Variants in VPS72 observed in about 807,000 individuals in gnomAD.
VPS72 encodes vacuolar protein sorting 72 homolog, also known as vacuolar protein sorting-associated protein 72 homolog.
VPS72 carries 27 observed loss-of-function variants against 38.9 expected under a neutral mutation model. That is an observed-to-expected ratio of 0.69 (90% CI 0.51 to 0.96). VPS72 has a LOEUF of 0.96. Ranked by LOEUF, VPS72 falls within the 40% of genes least tolerant of loss-of-function variation. VPS72 has a pLI of 0.00. For synonymous variants in VPS72, 173 were observed against 186.3 expected, an observed-to-expected ratio of 0.93 and a Z score of 0.58; for missense variants, 360 against 479.5, an observed-to-expected ratio of 0.75 and a Z score of 2.33.
chr1:151,189,602 T>C (rs980929590), intron 1 of VPS72, among the ~76,000 whole-genome samples: 3 of 152,158 alleles, frequency 2.0e-5, no homozygotes, highest in Admixed American at 6.5e-5. Context: ...AGCGGTTCCT[T>C]TCCATGTCTC....
At chr1:151,183,441 A>G (rs1475222482) in intron 4 of VPS72, among the ~76,000 whole-genome samples, 4 of 150,164 alleles carry the variant, frequency 2.7e-5, no homozygotes, top group South Asian at 2.1e-4. Context: ...AAAAAAAAAA[A>G]AAAGAAAGGA....
chr1:151,180,211 C>T (rs1291707077), intron 4 of VPS72, among the ~76,000 whole-genome samples: 2 of 149,280 alleles, frequency 1.3e-5, no homozygotes, highest in South Asian at 2.1e-4. Context: ...CTCAGCTACT[C>T]GGGAGGCTGA....
At chr1:151,178,231 T>G in intron 4 of VPS72, 86 bp from the exon 5 acceptor site, 1 of 1,464,270 alleles carries the variant, frequency 6.8e-7, no homozygotes, top group Non-Finnish European at 9.1e-7. Flanking sequence ...CTCTCAATTA[T>G]CTTCCTGGCT....
In VPS72 at chr1:151,190,020, A is replaced by G. The variant is rs766038319; in HGVS notation, c.102T>C (p.Tyr34=). 1 of 1,613,830 alleles carries G rather than the reference A, an allele frequency of 6.2e-7. No individual in the cohort carries two copies. Among genetic ancestry groups the G allele is most frequent in the Non-Finnish European group, 8.5e-7 (1 of 1,179,952 alleles). ...EEEDEFYQTT[Y]GGFTEESGDD... ...CGGATCTTGCCTCTGTGAAACCCCCATAAGTCGTCTGGTAGAACTCATCTT... is the reference window on the plus strand; with the variant it reads ...CGGATCTTGCCTCTGTGAAACCCCCGTAAGTCGTCTGGTAGAACTCATCTT... The change falls in exon 1 of 6, where the codon TAT becomes TAC. Residue 34 remains tyrosine (Y), a synonymous_variant. Coordinates refer to ENST00000368892, the MANE Select transcript of VPS72 (RefSeq NM_005997.3).
intron 1 of VPS72, 123 bp from the exon 2 acceptor site, chr1:151,186,073 C>A: frequency 7.8e-7 from 1 of 1,282,098 alleles, no homozygotes; most frequent in Admixed American, 2.5e-5. Context: ...TCCAGCCCTT[C>A]ATTTTCCTCA....
rs1355189756 is a variant in VPS72 at position 151,184,490 on chromosome 1, C to T, written c.389G>A (p.Arg130Gln). The T allele has an allele frequency of 1.9e-6, 3 of 1,609,066 alleles. No homozygotes were observed. Among genetic ancestry groups the T allele is most frequent in the Non-Finnish European group, 1.7e-6 (2 of 1,177,020 alleles). The change falls in exon 4 of 6, where the codon CGG (arginine) becomes CAG (glutamine). Residue 130 changes from arginine to glutamine, a missense_variant. Around this residue, in one of 2 missense-constraint regions of VPS72, gnomAD observed 294 missense variants for 356.3 expected, o/e 0.83. Transcript: ENST00000368892. Reference sequence around the variant, plus strand: ...AGCTGTAGACTGACGCATAGACTTCCGACCTGGAAGAGAGTGAGATAAGAA... The same window carrying T: ...AGCTGTAGACTGACGCATAGACTTCTGACCTGGAAGAGAGTGAGATAAGAA... ...LELQDDGSDS[R>Q]KSMRQSTAEH...
chr1:151,184,385 C>T lies in VPS72; in HGVS notation c.494G>A (p.Arg165Gln), dbSNP rs768296715. The T allele has an allele frequency of 1.7e-5, 27 of 1,613,948 alleles. No homozygotes were observed. Among genetic ancestry groups the T allele is most frequent in the South Asian group, 7.7e-5 (7 of 91,088 alleles). The stretch of plus-strand genomic sequence containing the variant: ...GAGCAGTTCCTCCTGGGTTAGTGGC[C>T]GCTCACAGTGGGGCCCCTTTCGCCG... ...SRRRKGPHCE[R>Q]PLTQEELLRE... Residue 165 changes from arginine (R) to glutamine (Q), a missense_variant, in exon 4 of 6, where the codon CGG becomes CAG. This residue lies in a region of VPS72 where 294 missense variants were observed against 356.3 expected (regional missense o/e 0.83). Transcript: ENST00000368892.
chr1:151,184,457 G>C lies in VPS72; in HGVS notation c.422C>G (p.Thr141Arg), dbSNP rs1240954568. ...KSMRQSTAEHTRQTFLRVQER... is the reference protein window; with the variant it reads ...KSMRQSTAEHRRQTFLRVQER... ...CTGTACCCGAAGGAACGTTTGTCGTGTATGCTCAGCTGTAGACTGACGCAT... is the reference window on the plus strand; with the variant it reads ...CTGTACCCGAAGGAACGTTTGTCGTCTATGCTCAGCTGTAGACTGACGCAT... Residue 141 changes from threonine to arginine, a missense_variant, in exon 4 of 6, where the codon ACA (threonine) becomes AGA (arginine). Coordinates refer to ENST00000368892, the MANE Select transcript of VPS72 (RefSeq NM_005997.3). The C allele has an allele frequency of 1.9e-6, 3 of 1,613,810 alleles. No individual in the cohort carries two copies.
Position 151,190,016 on chromosome 1 carries a change from C to T in VPS72, c.106G>A (p.Gly36Ser). 1 of 1,614,116 alleles carries T rather than the reference C, an allele frequency of 6.2e-7. No homozygotes were observed. The highest frequency in any genetic ancestry group is 8.5e-7 in the Non-Finnish European group (1 of 1,180,000). Residue 36 changes from glycine to serine, a missense_variant, in exon 1 of 6, where the codon GGT becomes AGT. Physicochemically the swap from Gly to Ser is moderately conservative, Grantham distance 56. Around this residue, in one of 2 missense-constraint regions of VPS72, gnomAD observed 66 missense variants for 123.1 expected, o/e 0.54. Transcript: ENST00000368892. ...GGCCCGGATCTTGCCTCTGTGAAAC[C>T]CCCATAAGTCGTCTGGTAGAACTCA... ...EDEFYQTTYG[G>S]FTEESGDDEY... is the part of the protein sequence containing the mutation.
At chr1:151,177,361 G>A (rs1432837134) in intron 5 of VPS72, among the ~76,000 whole-genome samples, 3 of 150,134 alleles carry the variant, frequency 2.0e-5, no homozygotes, top group African/African-American at 7.4e-5. Context: ...CTCCAGCCTG[G>A]GTGACAGAGC....
Position 151,176,889 on chromosome 1 carries a change from G to A in VPS72, c.850C>T (p.Pro284Ser), listed in dbSNP as rs1025663921. 11 of 1,614,152 alleles carry A rather than the reference G, an allele frequency of 6.8e-6. No individual in the cohort carries two copies. Among genetic ancestry groups the A allele is most frequent in the Non-Finnish European group, 8.5e-6 (10 of 1,180,026 alleles). Reference sequence around the variant, plus strand: ...CAGACCTCACGAACAGGGACTTTTGGGGGCCGCCCTTGGGGGAACCATTCC... The same window carrying A: ...CAGACCTCACGAACAGGGACTTTTGAGGGCCGCCCTTGGGGGAACCATTCC... ...FEEWFPQGRP[P>S]KVPVREVCPV... The change falls in exon 6 of 6, where the codon CCA (proline) becomes TCA (serine). Residue 284 changes from proline to serine, a missense_variant. Pro to Ser is a moderately conservative substitution (Grantham distance 74, BLOSUM62 -1). This residue lies in a region of VPS72 where 294 missense variants were observed against 356.3 expected (regional missense o/e 0.83). Coordinates refer to ENST00000368892, the MANE Select transcript of VPS72 (RefSeq NM_005997.3).
At chr1:151,185,676 A>G in intron 2 of VPS72, 56 bp from the exon 3 acceptor site, 1 of 1,609,466 alleles carries the variant, frequency 6.2e-7, no homozygotes, top group Non-Finnish European at 8.5e-7. Context: ...GAGAAATATG[A>G]GGATCTCAAT....
At chr1:151,184,077 C>T (rs971316394) in intron 4 of VPS72, among the ~76,000 whole-genome samples, 5 of 152,078 alleles carry the variant, frequency 3.3e-5, no homozygotes, top group African/African-American at 9.7e-5. Flanking sequence ...AATAGCAGAA[C>T]GAGGATTTGA....
At chr1:151,185,416 G>T in intron 3 of VPS72, 90 bp downstream of exon 3, 1 of 1,314,868 alleles carries the variant, frequency 7.6e-7, no homozygotes, top group Non-Finnish European at 1.1e-6. Context: ...GTGAGCCACC[G>T]CACCCAGCAA....
In VPS72 at chr1:151,178,152, G is replaced by A. The variant is rs1684160349; in HGVS notation, c.563-7C>T. 2 of 1,612,700 alleles carry A rather than the reference G, an allele frequency of 1.2e-6. No homozygotes were observed. The highest frequency in any genetic ancestry group is 1.7e-4 in the Middle Eastern group (1 of 5,924). ...TCGAGCCGCTCATATGTCTCTTTAG[G>A]GTCAAAGGAAGAAATGAGGGGATGA... On this transcript the variant is annotated splice_region_variant and splice_polypyrimidine_tract_variant and intron_variant, in intron 4 of 5. Coordinates refer to ENST00000368892, the MANE Select transcript of VPS72 (RefSeq NM_005997.3).
chr1:151,183,932 C>T (rs1684292391), intron 4 of VPS72, among the ~76,000 whole-genome samples: 1 of 151,542 alleles, frequency 6.6e-6, no homozygotes, highest in Non-Finnish European at 1.5e-5. Flanking sequence ...CTATGTTGTC[C>T]AGGCTGGTTA....
In VPS72 at chr1:151,184,534, T is replaced by C. The variant is rs769518441; in HGVS notation, c.386-41A>G. 11 of 1,512,830 alleles carry C rather than the reference T, an allele frequency of 7.3e-6. No individual in the cohort carries two copies. In the East Asian group the frequency reaches 2.5e-4, roughly 35 times the overall value. The allele number at this position is 1,512,830 out of a possible 1,614,324, so 93.7% of individuals were successfully genotyped here. A position where few individuals can be genotyped will look rare whatever the true frequency, so the allele number is the denominator to read the frequency against. ...ATAAGAAGAAATCTTTGAATTCATG[T>C]CCACATATTTTATTTATTTATTTTG... On this transcript the variant is annotated intron_variant, in intron 3 of 5. Transcript: ENST00000368892.
chr1:151,178,592 T>C (rs587600106), intron 4 of VPS72, among the ~76,000 whole-genome samples: 3 of 151,944 alleles, frequency 2.0e-5, no homozygotes, highest in African/African-American at 7.2e-5. Flanking sequence ...TGGCACCACA[T>C]TGCACTCCAG....
In VPS72 at chr1:151,188,403, CT is replaced by C. The variant is rs587705822; in HGVS notation, c.117+1601del. 5.3e-5 allele frequency among the ~76,000 whole-genome samples: 8 copies of C among 152,286 alleles called. No homozygotes were observed. The East Asian group carries it at 1.5e-3, about 29-fold the overall frequency. On this transcript the variant is annotated intron_variant, in intron 1 of 5. Transcript: ENST00000368892. ...TTCTGTTTCTCTACTGCCATGCCCC[CT>C]TCAAGCCATTCTCATTACAGAGTAA...
Sources: gnomAD v4.1 joint callset for allele counts (sites outside exome capture counted in the v4.1 genomes callset) on GRCh38, gnomAD v4.1.1 for gene constraint, gnomAD v4.1.1 regional missense constraint, MANE v1.5 for transcripts, NCBI Gene and HGNC (gene_info 2026-07-23, HGNC 2026-07-21) for gene names.